Variants in XYLT1 observed in about 807,000 individuals in gnomAD.
The protein encoded by XYLT1 is beta-D-xylosyltransferase 1.
A neutral mutation model predicts 91.3 loss-of-function variants in XYLT1; 36 were observed. The ratio of observed to expected loss-of-function variants is 0.39; its 90% confidence interval spans 0.30 to 0.52. XYLT1 has a LOEUF of 0.52. XYLT1 is among the 20% of genes least tolerant of loss of function. The pLI is 0.68. For synonymous variants in XYLT1, 588 were observed against 532.0 expected (o/e 1.11, Z -1.45); for missense variants, 1,242 against 1,284.5 (o/e 0.97, Z 0.51).
intron 2 of XYLT1, among the ~76,000 whole-genome samples, chr16:17,294,883 A>C (rs1288723202): frequency 6.6e-6 from 1 of 152,180 alleles, no homozygotes; most frequent in Non-Finnish European, 1.5e-5. Flanking sequence ...CAATTCCATA[A>C]AAGAAGTAAC....
intron 3 of XYLT1, among the ~76,000 whole-genome samples, chr16:17,219,670 C>G (rs531173004): frequency 6.6e-6 from 1 of 152,288 alleles, no homozygotes; most frequent in African/African-American, 2.4e-5. Context: ...GAGATGGAGT[C>G]TCACTCTGTC....
intron 5 of XYLT1, chr16:17,193,658 G>T (rs1295921819): frequency 6.6e-6 from 1 of 152,154 alleles, no homozygotes; most frequent in African/African-American, 2.4e-5. Context: ...TGCCTGACTT[G>T]GGCACTACCG....
At chr16:17,123,782 A>T (rs1458264060) in intron 10 of XYLT1, among the ~76,000 whole-genome samples, 1 of 152,002 alleles carries the variant, frequency 6.6e-6, no homozygotes, top group Non-Finnish European at 1.5e-5. Flanking sequence ...TGTCCATCTC[A>T]TTTCTTAGGT....
At chr16:17,309,139 C>T (rs2034508500) in intron 2 of XYLT1, among the ~76,000 whole-genome samples, 1 of 152,228 alleles carries the variant, frequency 6.6e-6, no homozygotes, top group South Asian at 2.1e-4. Flanking sequence ...CACAGTTTCT[C>T]AACCTTGACA....
At chr16:17,305,160 A>C (rs2034452589) in intron 2 of XYLT1, among the ~76,000 whole-genome samples, 1 of 152,172 alleles carries the variant, frequency 6.6e-6, no homozygotes, top group Non-Finnish European at 1.5e-5. Context: ...AAGCCATCCC[A>C]GTTCCCCAAA....
rs137960637 is a variant in XYLT1, at chr16:17,434,781, T to C, written c.363+35653A>G. Among the ~76,000 whole-genome samples the C allele has an allele frequency of 8.7e-3, 1,318 of 151,046 alleles. 15 individuals carry two copies. Among genetic ancestry groups the C allele is most frequent in the African/African-American group, 0.03 (1,243 of 41,098 alleles). On this transcript the variant is annotated intron_variant, in intron 1 of 11. Coordinates refer to ENST00000261381, the MANE Select transcript of XYLT1 (RefSeq NM_022166.4). ...TACTTGGGAGGCTGATGTGGGAGGG[T>C]CTCTTCAGTTCAGGAGTTCAGGGCT...
At chr16:17,354,858 A>G (rs1372399923) in intron 2 of XYLT1, 1 of 152,190 alleles carries the variant, frequency 6.6e-6, no homozygotes, top group African/African-American at 2.4e-5. Flanking sequence ...TCACCTCACA[A>G]TGGGCTGAGG....
At chr16:17,391,977 G>A (rs1375185672) in intron 1 of XYLT1, among the ~76,000 whole-genome samples, 1 of 152,158 alleles carries the variant, frequency 6.6e-6, no homozygotes, top group Non-Finnish European at 1.5e-5. Flanking sequence ...GTGGAACGTT[G>A]AGTCAGTTAA....
chr16:17,274,482 G>A (rs2033942669), intron 2 of XYLT1, among the ~76,000 whole-genome samples: 1 of 152,166 alleles, frequency 6.6e-6, no homozygotes, highest in Non-Finnish European at 1.5e-5. Flanking sequence ...GATATAGGAA[G>A]GGGAACTAAA....
At chr16:17,131,066 T>A (rs1197057699) in intron 9 of XYLT1, among the ~76,000 whole-genome samples, 1 of 152,222 alleles carries the variant, frequency 6.6e-6, no homozygotes, top group African/African-American at 2.4e-5. Flanking sequence ...GGCTTTGAGT[T>A]CACAGGCCTG....
chr16:17,178,173 C>T (rs112230328), intron 5 of XYLT1, among the ~76,000 whole-genome samples: 4,003 of 152,154 alleles, frequency 0.026, 82 homozygotes, highest in South Asian at 0.081. Context: ...TGTCTCCTCT[C>T]GGCCGCCCCT....
intron 1 of XYLT1, among the ~76,000 whole-genome samples, chr16:17,433,888 C>CT (rs961584495): frequency 1.8e-4 from 28 of 152,004 alleles, no homozygotes; most frequent in African/African-American, 6.5e-4. Flanking sequence ...CCCACCCCCG[C>CT]TTTTTTTTCC....
At chr16:17,470,312 G>T in intron 1 of XYLT1, 122 bp downstream of exon 1, 1 of 1,142,110 alleles carries the variant, frequency 8.8e-7, no homozygotes, top group Non-Finnish European at 1.1e-6. Flanking sequence ...AAGAGGCGAT[G>T]TGGAGTCGGT....
rs1366819128 is a variant in XYLT1 at position 17,133,486 on chromosome 16, C to T, written c.2027+987G>A. Among the ~76,000 whole-genome samples, 8 of 152,030 alleles carry T rather than the reference C, an allele frequency of 5.3e-5. No individual in the cohort carries two copies. In the East Asian group the frequency reaches 1.5e-3, roughly 29 times the overall value. The stretch of plus-strand genomic sequence containing the variant: ...TACTGACAATGGCAACAGTGAAGGG[C>T]CAGATTAAGCAAACTCTGGAACTTC... On this transcript the variant is annotated intron_variant, in intron 9 of 11. Transcript: ENST00000261381.
At chr16:17,437,467 T>C (rs1309909398) in intron 1 of XYLT1, among the ~76,000 whole-genome samples, 1 of 152,168 alleles carries the variant, frequency 6.6e-6, no homozygotes, top group Non-Finnish European at 1.5e-5. Context: ...AAATGTTTAT[T>C]GGAGCCACTC....
intron 2 of XYLT1, among the ~76,000 whole-genome samples, chr16:17,271,041 G>A (rs1439672385): frequency 6.6e-6 from 1 of 152,236 alleles, no homozygotes; most frequent in African/African-American, 2.4e-5. Flanking sequence ...CCCAAGGACA[G>A]AGGGAGAGAG....
chr16:17,361,892 C>G (rs2035386627), intron 1 of XYLT1, among the ~76,000 whole-genome samples: 1 of 152,240 alleles, frequency 6.6e-6, no homozygotes, highest in African/African-American at 2.4e-5. Flanking sequence ...TAAGTTCTCA[C>G]TATGTTCCAG....
intron 1 of XYLT1, among the ~76,000 whole-genome samples, chr16:17,411,929 A>G (rs1416425553): frequency 6.6e-6 from 1 of 152,096 alleles, no homozygotes; most frequent in African/African-American, 2.4e-5. Context: ...GCTGCCCATC[A>G]CTAGGTGGCC....
At chr16:17,454,877 A>T (rs1267949649) in intron 1 of XYLT1, among the ~76,000 whole-genome samples, 2 of 131,094 alleles carry the variant, frequency 1.5e-5, no homozygotes, top group Non-Finnish European at 3.1e-5. Context: ...TATAATTTTC[A>T]CGCGTCACAA....
Sources: allele counts gnomAD v4.1 joint callset (sites outside exome capture counted in the v4.1 genomes callset), GRCh38; gene constraint gnomAD v4.1.1; transcripts MANE v1.5; gene names NCBI Gene and HGNC (gene_info 2026-07-23, HGNC 2026-07-21).